Variants in MLIP observed in about 807,000 individuals in gnomAD.
The protein encoded by MLIP is muscular LMNA interacting protein, also known as muscular LMNA-interacting protein.
MLIP carries 79 observed loss-of-function variants against 84.8 expected under a neutral mutation model. That is an observed-to-expected ratio of 0.93 (90% CI 0.78 to 1.12). MLIP has a LOEUF of 1.12. Ranked by LOEUF, MLIP falls within the 50% of genes most tolerant of loss-of-function variation. The pLI is 0.00. For missense variants in MLIP, 1,257 were observed against 1,160.6 expected (o/e 1.08, Z -1.21); for synonymous variants, 504 against 463.0 (o/e 1.09, Z -1.14).
chr6:54,020,554 G>C (rs889850842), intron 1 of MLIP, among the ~76,000 whole-genome samples: 6 of 152,308 alleles, frequency 3.9e-5, no homozygotes, highest in Admixed American at 2.6e-4. Flanking sequence ...TTTACAGGAA[G>C]TTTTGCGAGT....
At chr6:54,174,747 C>T (rs937703324) in intron 9 of MLIP, among the ~76,000 whole-genome samples, 7 of 151,720 alleles carry the variant, frequency 4.6e-5, no homozygotes, top group African/African-American at 1.7e-4. Flanking sequence ...AGCTTTTTAA[C>T]ATGATGTGAT....
chr6:54,111,600 CT>C (rs1350582690), intron 1 of MLIP, 25 bp downstream of exon 1: 1 of 1,535,064 alleles, frequency 6.5e-7, no homozygotes, highest in East Asian at 2.4e-5. Context: ...TTGCTTAATG[CT>C]TTCAGTAACT....
intron 10 of MLIP, among the ~76,000 whole-genome samples, chr6:54,201,182 T>A (rs940075522): frequency 3.9e-5 from 6 of 152,218 alleles, no homozygotes; most frequent in Non-Finnish European, 7.3e-5. Flanking sequence ...CCTGCCTCTC[T>A]TTGTCAAATC....
intron 1 of MLIP, among the ~76,000 whole-genome samples, chr6:54,024,815 G>A (rs1209545458): frequency 6.6e-6 from 1 of 152,032 alleles, no homozygotes; most frequent in Non-Finnish European, 1.5e-5. Context: ...ATTTTATGCT[G>A]TAACATGGTA....
At chr6:54,253,229 T>C (rs894298709) in intron 12 of MLIP, among the ~76,000 whole-genome samples, 1 of 152,100 alleles carries the variant, frequency 6.6e-6, no homozygotes, top group Non-Finnish European at 1.5e-5. Flanking sequence ...GTAATGTCGC[T>C]TTTGAGGGAT....
intron 13 of MLIP, among the ~76,000 whole-genome samples, chr6:54,260,639 T>C (rs1783321845): frequency 6.6e-6 from 1 of 152,006 alleles, no homozygotes; most frequent in South Asian, 2.1e-4. Flanking sequence ...CAGTGAATGA[T>C]TTCAATTTCT....
chr6:54,030,733 T>C (rs1940088670), intron 1 of MLIP: 1 of 152,180 alleles, frequency 6.6e-6, no homozygotes, highest in South Asian at 2.1e-4. Flanking sequence ...TGCAGTCTCA[T>C]CTGCAGACAG....
chr6:54,137,986 A>G lies in MLIP; in HGVS notation c.1917A>G (p.Ser639=), dbSNP rs1771964828. The change falls in exon 4 of 14, where the codon TCA becomes TCG. Residue 639 remains serine (S), a synonymous_variant. Transcript: ENST00000502396. ...SQLSGQELNP[S]ALPSLPVSSA... ...TATCTGGCCAGGAGCTGAATCCTTC[A>G]GCTCTTCCTTCACTCCCTGTCTCCA... 2 of 1,536,056 alleles carry G rather than the reference A, an allele frequency of 1.3e-6. No individual in the cohort carries two copies. The highest frequency in any genetic ancestry group is 8.7e-7 in the Non-Finnish European group (1 of 1,146,894).
At chr6:54,235,484 G>A (rs1781301297) in intron 12 of MLIP, among the ~76,000 whole-genome samples, 1 of 152,000 alleles carries the variant, frequency 6.6e-6, no homozygotes, top group South Asian at 2.1e-4. Context: ...GGCATCTCAT[G>A]CATATTATAG....
chr6:54,116,889 T>C (rs1011273211), intron 1 of MLIP, among the ~76,000 whole-genome samples: 1 of 152,178 alleles, frequency 6.6e-6, no homozygotes, highest in Non-Finnish European at 1.5e-5. Flanking sequence ...AAAAAGATTA[T>C]TTACCAAGAT....
chr6:54,230,080 T>C (rs1039197012), intron 11 of MLIP, among the ~76,000 whole-genome samples: 5 of 152,318 alleles, frequency 3.3e-5, no homozygotes, highest in African/African-American at 1.2e-4. Context: ...CTCCTTTCTT[T>C]GCAGTTGCAC....
At chr6:54,027,285 T>C (rs1308000355) in intron 1 of MLIP, among the ~76,000 whole-genome samples, 1 of 152,062 alleles carries the variant, frequency 6.6e-6, no homozygotes, top group East Asian at 1.9e-4. Context: ...TTAATGTTTG[T>C]ATTGAAATGC....
At chr6:54,115,515 T>C (rs1769836873) in intron 1 of MLIP, among the ~76,000 whole-genome samples, 1 of 152,018 alleles carries the variant, frequency 6.6e-6, no homozygotes, top group South Asian at 2.1e-4. Flanking sequence ...GGTTTGCAGC[T>C]ATTGGGCAAG....
intron 11 of MLIP, among the ~76,000 whole-genome samples, chr6:54,224,294 C>T (rs193134043): frequency 7.2e-5 from 11 of 151,750 alleles, no homozygotes; most frequent in Non-Finnish European, 1.2e-4. Flanking sequence ...ACACAAAATA[C>T]GACACTGCTT....
intron 11 of MLIP, among the ~76,000 whole-genome samples, chr6:54,204,018 T>C (rs574150170): frequency 3.9e-5 from 6 of 152,358 alleles, no homozygotes; most frequent in Non-Finnish European, 8.8e-5. Context: ...TATGTAACCT[T>C]GAAAAAGTTC....
Position 54,137,542 on chromosome 6 carries a change from T to C in MLIP, c.1473T>C (p.Phe491=). Residue 491 remains phenylalanine, a synonymous_variant, in exon 4 of 14, where the codon TTT becomes TTC. Transcript: ENST00000502396. The stretch of plus-strand genomic sequence containing the variant: ...TTTCTGAATTGACCCAGCAATCTTT[T>C]CACCTGCCTGTTTTCACCAAGTCTA... ...LQVSELTQQS[F]HLPVFTKSTP... The C allele has an allele frequency of 1.3e-6, 2 of 1,536,118 alleles. No individual in the cohort carries two copies. The highest frequency in any genetic ancestry group is 1.7e-6 in the Non-Finnish European group (2 of 1,146,900).
chr6:54,246,516 T>C (rs1286825261), intron 12 of MLIP, among the ~76,000 whole-genome samples: 1 of 152,154 alleles, frequency 6.6e-6, no homozygotes, highest in Non-Finnish European at 1.5e-5. Context: ...TGTATGACTT[T>C]TATTTGTGTG....
intron 1 of MLIP, among the ~76,000 whole-genome samples, chr6:54,032,153 A>C (rs1266446349): frequency 1.3e-5 from 2 of 152,104 alleles, no homozygotes; most frequent in African/African-American, 4.8e-5. Flanking sequence ...TTTTTGCCTC[A>C]AGAATAACCC....
At chr6:54,041,601 T>G (rs186032451) in intron 1 of MLIP, among the ~76,000 whole-genome samples, 3 of 152,262 alleles carry the variant, frequency 2.0e-5, no homozygotes, top group Non-Finnish European at 4.4e-5. Flanking sequence ...ATTTTCAATA[T>G]TTTTTATTAT....
Sources: gnomAD v4.1 joint callset for allele counts (sites outside exome capture counted in the v4.1 genomes callset) on GRCh38, gnomAD v4.1.1 for gene constraint, MANE v1.5 for transcripts, NCBI Gene and HGNC (gene_info 2026-07-23, HGNC 2026-07-21) for gene names.